The following CAMSAP1 variants were observed in gnomAD, a reference collection of about 807,000 sequenced individuals.
The protein encoded by CAMSAP1 is calmodulin regulated spectrin associated protein 1.
In CAMSAP1, 58 loss-of-function variants were observed where a neutral mutation model predicts 143.5. The observed-to-expected ratio is 0.40, with a 90% CI of 0.33 to 0.50. The LOEUF (loss-of-function observed/expected upper bound fraction) is 0.50. Ranked by LOEUF, CAMSAP1 falls within the 20% of genes least tolerant of loss-of-function variation. The pLI is 0.45. For synonymous variants in CAMSAP1, 945 were observed against 859.3 expected (o/e 1.10, Z -1.74); for missense variants, 1,969 against 2,115.7 (o/e 0.93, Z 1.36).
chr9:135,906,639 C>G (rs1489869447), intron 1 of CAMSAP1, among the ~76,000 whole-genome samples: 3 of 152,212 alleles, frequency 2.0e-5, no homozygotes, highest in Non-Finnish European at 2.9e-5. Flanking sequence ...CGCCGGGAAG[C>G]GGCGCCTCAG....
chr9:135,822,143 T>C lies in CAMSAP1; in HGVS notation c.2518A>G (p.Thr840Ala), dbSNP rs1835492803. ...TKSSTSSSQK[T>A]TPDASESCPA... ...CAGCTCTCAGACGCATCTGGCGTGG[T>C]CTTCTGGGAGCTGCTGGTGCTGGAC... The change falls in exon 11 of 17, where the codon ACC (threonine) becomes GCC (alanine). Residue 840 changes from threonine (T) to alanine (A), a missense_variant. Physicochemically the swap from Thr to Ala is moderately conservative, Grantham distance 58. Around this residue, in one of 4 missense-constraint regions of CAMSAP1, gnomAD observed 1,390 missense variants for 1,420.8 expected, o/e 0.98. Coordinates refer to ENST00000389532, the MANE Select transcript of CAMSAP1 (RefSeq NM_015447.4). The surrounding 1 kb of genome is among the most constrained non-coding windows in gnomAD (Gnocchi z 6.1). The C allele has an allele frequency of 6.2e-7, 1 of 1,613,136 alleles. No individual in the cohort carries two copies. The highest frequency in any genetic ancestry group is 8.5e-7 in the Non-Finnish European group (1 of 1,179,890).
chr9:135,830,075 GA>G (rs1361817363), intron 7 of CAMSAP1, among the ~76,000 whole-genome samples: 2 of 150,774 alleles, frequency 1.3e-5, no homozygotes, highest in East Asian at 1.9e-4. Flanking sequence ...TTACACAAAA[GA>G]AAAAAAGAAG....
chr9:135,827,970 A>C (rs922770854), intron 7 of CAMSAP1, among the ~76,000 whole-genome samples: 3 of 152,222 alleles, frequency 2.0e-5, no homozygotes, highest in Non-Finnish European at 4.4e-5. Flanking sequence ...TCCTGGGAGA[A>C]GGCTTGGGGC....
In CAMSAP1 at chr9:135,866,505, T is replaced by C. The variant is rs1837384473; in HGVS notation, c.617A>G (p.Lys206Arg). The change falls in exon 4 of 17, where the codon AAA (lysine) becomes AGA (arginine). Residue 206 changes from lysine to arginine, a missense_variant. By Grantham distance (26) the Lys-to-Arg change is conservative. Around this residue, in one of 4 missense-constraint regions of CAMSAP1, gnomAD observed 221 missense variants for 298.2 expected, o/e 0.74. Coordinates refer to ENST00000389532, the MANE Select transcript of CAMSAP1 (RefSeq NM_015447.4). ...VNLKMREITE[K>R]EVKLKQQLLE... Reference sequence around the variant, plus strand: ...TAACTGTTGTTTTAATTTAACTTCTTTCTCTGTTATCTCTCTCATTTTAAG... The same window carrying C: ...TAACTGTTGTTTTAATTTAACTTCTCTCTCTGTTATCTCTCTCATTTTAAG... 6.8e-7 allele frequency: 1 copy of C among 1,472,126 alleles called. No individual in the cohort carries two copies. The highest frequency in any genetic ancestry group is 1.2e-5 in the South Asian group (1 of 82,380). 91.2% of individuals were successfully genotyped at this position (1,472,126 alleles called of 1,614,324 possible).
chr9:135,822,456 C>T lies in CAMSAP1; in HGVS notation c.2205G>A (p.Arg735=), dbSNP rs558187019. 9 of 1,613,890 alleles carry T rather than the reference C, an allele frequency of 5.6e-6. No homozygotes were observed. The highest frequency in any genetic ancestry group is 7.6e-6 in the Non-Finnish European group (9 of 1,179,908). Residue 735 remains arginine, a synonymous_variant, in exon 11 of 17, where the codon AGG becomes AGA. Coordinates refer to ENST00000389532, the MANE Select transcript of CAMSAP1 (RefSeq NM_015447.4). The surrounding 1 kb of genome is among the most constrained non-coding windows in gnomAD (Gnocchi z 6.1). ...CCACCACATCCGAGTCAGAATCCTG[C>T]CTGAGGAGAGTCCACGGCTCTGAAT... ...SHDSEPWTLL[R]QDSDSDVVDI...
intron 14 of CAMSAP1, 102 bp downstream of exon 14, chr9:135,817,875 A>G: frequency 2.4e-6 from 2 of 846,198 alleles, no homozygotes; most frequent in Non-Finnish European, 3.7e-6. Flanking sequence ...TATCAAAATT[A>G]AAGTTACAAA....
At chr9:135,865,018 G>C (rs1837325986) in intron 4 of CAMSAP1, among the ~76,000 whole-genome samples, 1 of 152,134 alleles carries the variant, frequency 6.6e-6, no homozygotes, top group Non-Finnish European at 1.5e-5. Context: ...AGAGTAACTT[G>C]GGCAACTAGA....
At chr9:135,877,652 A>AT (rs1229296633) in intron 3 of CAMSAP1, among the ~76,000 whole-genome samples, 9 of 151,942 alleles carry the variant, frequency 5.9e-5, no homozygotes, top group Non-Finnish European at 1.3e-4. Flanking sequence ...ATTAAAAAAA[A>AT]TTTTTTTTAA....
In CAMSAP1 at chr9:135,809,462, A is replaced by G. The variant is rs1197749704; in HGVS notation, c.*1847T>C. ...CTAGCTCTTCATTAAAAAGAATCCA[A>G]TTCCACTGACTTCGATAGGGCCATG... On this transcript the variant is annotated 3_prime_UTR_variant, in exon 17 of 17. Coordinates refer to ENST00000389532, the MANE Select transcript of CAMSAP1 (RefSeq NM_015447.4). The G allele has an allele frequency of 1.3e-5, 2 of 152,264 alleles. No individual in the cohort carries two copies. Among genetic ancestry groups the G allele is most frequent in the Admixed American group, 1.3e-4 (2 of 15,282 alleles). 9.4% of individuals were successfully genotyped at this position (152,264 alleles called of 1,614,324 possible). A position where few individuals can be genotyped will look rare whatever the true frequency, so the allele number is the denominator to read the frequency against.
In CAMSAP1 at chr9:135,827,454, C is replaced by T. The variant is rs1227635830; in HGVS notation, c.1176G>A (p.Ala392=). 3.7e-6 allele frequency: 6 copies of T among 1,602,210 alleles called. No homozygotes were observed. The highest frequency in any genetic ancestry group is 1.7e-5 in the Admixed American group (1 of 59,010). Residue 392 remains alanine, a synonymous_variant, in exon 8 of 17, where the codon GCG becomes GCA. Transcript: ENST00000389532. The stretch of plus-strand genomic sequence containing the variant: ...GCAGGTAGTGCCTGTGACAGCCTTC[C>T]GCCGGCAGCTGCACGGGGGGCTGCA... The part of the protein sequence containing the change: ...AELQPPVQLP[A]EGCHRHYLHP...
chr9:135,859,714 T>C (rs1158311251), intron 5 of CAMSAP1, among the ~76,000 whole-genome samples: 1 of 151,706 alleles, frequency 6.6e-6, no homozygotes, highest in Non-Finnish European at 1.5e-5. Flanking sequence ...TTTTTTAAAA[T>C]CCATTTTGAT....
chr9:135,840,638 G>A (rs902841191), intron 7 of CAMSAP1, among the ~76,000 whole-genome samples: 3 of 152,298 alleles, frequency 2.0e-5, no homozygotes, highest in Middle Eastern at 3.4e-3. Context: ...CACAGAAGGC[G>A]GGTGATTTCT....
At position 135,818,181 on chromosome 9, in the gene CAMSAP1, C is replaced by G; in HGVS notation, c.4169-102G>C. The G allele has an allele frequency of 3.1e-6, 4 of 1,307,854 alleles. No homozygotes were observed. Among genetic ancestry groups the G allele is most frequent in the Non-Finnish European group, 4.3e-6 (4 of 939,336 alleles). 81.0% of individuals were successfully genotyped at this position (1,307,854 alleles called of 1,614,324 possible). A position where few individuals can be genotyped will look rare whatever the true frequency, so the allele number is the denominator to read the frequency against. ...CTCACCTCGCCCTGCAGAGCTCGGC[C>G]ACACAGGCCGCGTCCCCACCCCATC... On this transcript the variant is annotated intron_variant, in intron 13 of 16. Transcript: ENST00000389532. The surrounding 1 kb of genome is among the most constrained non-coding windows in gnomAD (Gnocchi z 7.7).
intron 7 of CAMSAP1, among the ~76,000 whole-genome samples, chr9:135,838,067 C>T (rs1266272873): frequency 2.0e-5 from 3 of 151,592 alleles, no homozygotes; most frequent in Non-Finnish European, 4.4e-5. Flanking sequence ...GCACTTTCCA[C>T]CCATTCTACA....
chr9:135,823,161 G>A lies in CAMSAP1; in HGVS notation c.1500C>T (p.Ser500=). 1 of 1,611,766 alleles carries A rather than the reference G, an allele frequency of 6.2e-7. No individual in the cohort carries two copies. The highest frequency in any genetic ancestry group is 8.5e-7 in the Non-Finnish European group (1 of 1,178,380). The change falls in exon 11 of 17, where the codon AGC becomes AGT. Residue 500 remains serine, a synonymous_variant. Coordinates refer to ENST00000389532, the MANE Select transcript of CAMSAP1 (RefSeq NM_015447.4). The part of the protein sequence containing the change: ...GDSISLARSI[S]KDSLASNIVN... ...CAATGTTGGATGCCAAACTGTCTTTGCTGATGGAGCGGGCCAAGCTGATGC... is the reference window on the plus strand; with the variant it reads ...CAATGTTGGATGCCAAACTGTCTTTACTGATGGAGCGGGCCAAGCTGATGC...
intron 3 of CAMSAP1, 94 bp from the exon 4 acceptor site, chr9:135,866,630 TTCACCTCTGAC>T: frequency 1.5e-6 from 1 of 681,216 alleles, no homozygotes; most frequent in African/African-American, 1.8e-5. Flanking sequence ...CTTCACCTGA[TTCACCTCTGAC>T]TCCTAGACAT....
In CAMSAP1 at chr9:135,811,123, A is replaced by G. The variant is rs370038565; in HGVS notation, c.*186T>C. 40 of 673,572 alleles carry G rather than the reference A, an allele frequency of 5.9e-5. No homozygotes were observed. The East Asian group carries it at 1.0e-3, about 17-fold the overall frequency. 41.7% of individuals were successfully genotyped at this position (673,572 alleles called of 1,614,324 possible). A position where few individuals can be genotyped will look rare whatever the true frequency, so the allele number is the denominator to read the frequency against. On this transcript the variant is annotated 3_prime_UTR_variant, in exon 17 of 17. Coordinates refer to ENST00000389532, the MANE Select transcript of CAMSAP1 (RefSeq NM_015447.4). The surrounding 1 kb of genome is among the most constrained non-coding windows in gnomAD (Gnocchi z 4.9). The stretch of plus-strand genomic sequence containing the variant: ...TGCCTGGCATCCTCTGCGTGAGATG[A>G]GCGCTGAGAGAGGGGTTTTCTTCTG...
At chr9:135,840,283 G>C (rs376230644) in intron 7 of CAMSAP1, among the ~76,000 whole-genome samples, 35 of 152,290 alleles carry the variant, frequency 2.3e-4, no homozygotes, top group African/African-American at 8.2e-4. Flanking sequence ...CGGAGGTGCA[G>C]AGCGGGCCCA....
intron 8 of CAMSAP1, among the ~76,000 whole-genome samples, chr9:135,827,158 GA>G (rs1331461129): frequency 6.6e-6 from 1 of 152,130 alleles, no homozygotes; most frequent in East Asian, 1.9e-4. Flanking sequence ...AAAGAGAACA[GA>G]AAAACACCTG....
Sources: gnomAD v4.1 joint callset for allele counts (sites outside exome capture counted in the v4.1 genomes callset) on GRCh38, gnomAD v4.1.1 for gene constraint, gnomAD v4.1.1 regional missense constraint, Gnocchi (gnomAD v3.1) non-coding constraint, MANE v1.5 for transcripts, NCBI Gene and HGNC (gene_info 2026-07-23, HGNC 2026-07-21) for gene names.